MYRFL: variants seen among roughly 807,000 people sequenced by gnomAD.
MYRFL encodes myelin regulatory factor-like protein.
A neutral mutation model predicts 109.4 loss-of-function variants in MYRFL; 88 were observed. That is an observed-to-expected ratio of 0.80 (90% CI 0.68 to 0.96). MYRFL has a LOEUF of 0.96. MYRFL is among the 40% of genes least tolerant of loss of function. MYRFL has a pLI of 0.00. For missense variants in MYRFL, 957 were observed against 954.9 expected (o/e 1.00, Z -0.03); for synonymous variants, 324 against 320.9 (o/e 1.01, Z -0.10).
chr12:69,947,033 C>T (rs920630691), intron 19 of MYRFL: 64 of 152,436 alleles, frequency 4.2e-4, no homozygotes, highest in African/African-American at 1.5e-3. Flanking sequence ...AGCCTCTTCT[C>T]TTCTGCTGCT....
At chr12:69,893,525 A>G (rs1887040093) in intron 7 of MYRFL, among the ~76,000 whole-genome samples, 1 of 152,104 alleles carries the variant, frequency 6.6e-6, no homozygotes, top group South Asian at 2.1e-4. Context: ...GCCTACCTGA[A>G]ATACTCTGTT....
chr12:69,874,913 G>T (rs9805129), intron 2 of MYRFL, among the ~76,000 whole-genome samples: 31,293 of 150,558 alleles, frequency 0.21, 4,174 homozygotes, highest in East Asian at 0.45. Flanking sequence ...ACTCTGATGC[G>T]GTAGATGTAT....
intron 1 of MYRFL, among the ~76,000 whole-genome samples, chr12:69,843,928 A>C (rs1260245232): frequency 6.6e-6 from 1 of 152,188 alleles, no homozygotes. Flanking sequence ...ACCTGATTTC[A>C]AACTGAGCCT....
At chr12:69,892,602 T>C (rs1189061760) in intron 7 of MYRFL, among the ~76,000 whole-genome samples, 1 of 152,206 alleles carries the variant, frequency 6.6e-6, no homozygotes, top group Non-Finnish European at 1.5e-5. Flanking sequence ...ATAGCTAACC[T>C]GGGCTTAGGC....
At chr12:69,876,165 A>C (rs1196860532) in intron 2 of MYRFL, among the ~76,000 whole-genome samples, 1 of 152,012 alleles carries the variant, frequency 6.6e-6, no homozygotes, top group African/African-American at 2.4e-5. Flanking sequence ...TTTGCCCCAA[A>C]ATTTGTTTTC....
chr12:69,858,756 G>A (rs907657846), intron 2 of MYRFL, among the ~76,000 whole-genome samples: 9 of 151,536 alleles, frequency 5.9e-5, no homozygotes, highest in African/African-American at 1.5e-4. Context: ...CAATGTGGAC[G>A]TTTATCAATT....
At chr12:69,827,902 C>A (rs1014390151) in intron 1 of MYRFL, among the ~76,000 whole-genome samples, 11 of 151,942 alleles carry the variant, frequency 7.2e-5, no homozygotes, top group African/African-American at 1.9e-4. Context: ...ATAGAAAAAA[C>A]CATATGAATA....
chr12:69,860,786 A>G, intron 2 of MYRFL, among the ~76,000 whole-genome samples: 1 of 151,272 alleles, frequency 6.6e-6, no homozygotes, highest in Non-Finnish European at 1.5e-5. Flanking sequence ...CATGTGCACA[A>G]TGTGCAGGTT....
intron 2 of MYRFL, among the ~76,000 whole-genome samples, chr12:69,872,752 G>C (rs1359778338): frequency 6.6e-6 from 1 of 152,006 alleles, no homozygotes; most frequent in Non-Finnish European, 1.5e-5. Flanking sequence ...ACCTGCCTCG[G>C]CCTCCCAAAG....
chr12:69,953,539 A>G (rs7956268), intron 21 of MYRFL, among the ~76,000 whole-genome samples: 5,303 of 152,160 alleles, frequency 0.035, 317 homozygotes, highest in African/African-American at 0.12. Flanking sequence ...GCTGAGGCAG[A>G]AGGACTGCTT....
At chr12:69,909,575 A>G (rs1425007488) in intron 11 of MYRFL, among the ~76,000 whole-genome samples, 1 of 152,204 alleles carries the variant, frequency 6.6e-6, no homozygotes, top group Non-Finnish European at 1.5e-5. Context: ...TGCTATTACT[A>G]TCATTTACAA....
chr12:69,876,989 A>G (rs1674571), intron 2 of MYRFL, among the ~76,000 whole-genome samples: 142,405 of 149,130 alleles, frequency 0.95, 68,060 homozygotes, highest in Non-Finnish European at 0.97. Flanking sequence ...GGAAGCTAAT[A>G]TAAGGGTCCA....
intron 13 of MYRFL, among the ~76,000 whole-genome samples, chr12:69,911,354 C>A (rs1435169407): frequency 2.0e-5 from 3 of 152,084 alleles, no homozygotes; most frequent in Non-Finnish European, 4.4e-5. Context: ...TATAATTACA[C>A]AATGTGTTTC....
intron 2 of MYRFL, among the ~76,000 whole-genome samples, chr12:69,862,461 T>C (rs1157213335): frequency 6.6e-6 from 1 of 151,800 alleles, no homozygotes; most frequent in Non-Finnish European, 1.5e-5. Flanking sequence ...AAGAGGTCCT[T>C]CACATCCCTT....
At chr12:69,888,103 A>AT (rs1204177808) in intron 6 of MYRFL, among the ~76,000 whole-genome samples, 1 of 152,192 alleles carries the variant, frequency 6.6e-6, no homozygotes, top group Non-Finnish European at 1.5e-5. Context: ...CCCTCTTCTT[A>AT]TTTGAAAACA....
chr12:69,916,750 C>T (rs1298086781), intron 13 of MYRFL, among the ~76,000 whole-genome samples: 1 of 152,140 alleles, frequency 6.6e-6, no homozygotes, highest in Non-Finnish European at 1.5e-5. Context: ...GCTCCCATAA[C>T]CCCTGAATCC....
At chr12:69,847,898 T>A (rs973902185) in intron 1 of MYRFL, among the ~76,000 whole-genome samples, 1 of 152,212 alleles carries the variant, frequency 6.6e-6, no homozygotes, top group Non-Finnish European at 1.5e-5. Context: ...TATAGACTTT[T>A]TTTCTGTATA....
At chr12:69,834,824 G>A (rs1882841064) in intron 1 of MYRFL, among the ~76,000 whole-genome samples, 1 of 152,168 alleles carries the variant, frequency 6.6e-6, no homozygotes, top group Non-Finnish European at 1.5e-5. Flanking sequence ...ACAAAGTACT[G>A]AGTATTTCCT....
chr12:69,912,752 T>G (rs1044698687), intron 13 of MYRFL, among the ~76,000 whole-genome samples: 66 of 152,364 alleles, frequency 4.3e-4, no homozygotes, highest in African/African-American at 1.5e-3. Context: ...TGAATAATAC[T>G]GCTATGATTG....
Sources: allele counts gnomAD v4.1 joint callset (sites outside exome capture counted in the v4.1 genomes callset), GRCh38; gene constraint gnomAD v4.1.1; transcripts MANE v1.5; gene names NCBI Gene and HGNC (gene_info 2026-07-23, HGNC 2026-07-21).